The following HPSE2 variants were observed in gnomAD, a reference collection of about 807,000 sequenced individuals.
The protein encoded by HPSE2 is inactive heparanase-2.
Under a neutral mutation model 60.5 loss-of-function variants are expected in HPSE2, and 38 were observed. That is an observed-to-expected ratio of 0.63 (90% CI 0.48 to 0.82). HPSE2 has a LOEUF of 0.82. HPSE2 is among the 40% of genes least tolerant of loss of function. The pLI is 0.00. For synonymous variants in HPSE2, 295 were observed against 293.2 expected (o/e 1.01, Z -0.06); for missense variants, 713 against 740.4 (o/e 0.96, Z 0.43).
Position 98,878,147 on chromosome 10 carries a change from C to A in HPSE2, c.611-134091G>T, listed in dbSNP as rs922632193. On this transcript the variant is annotated intron_variant, in intron 3 of 11. Coordinates refer to ENST00000370552, the MANE Select transcript of HPSE2 (RefSeq NM_021828.5). ...ACAAGACGTTTCAAATCTTTGACAA[C>A]AGCCAGCACAGTGCTGTGATCACTG... Among the ~76,000 whole-genome samples the A allele has an allele frequency of 1.3e-5, 2 of 151,956 alleles. 1 individual carries two copies. The highest frequency in any genetic ancestry group is 1.3e-4 in the Admixed American group (2 of 15,212).
intron 3 of HPSE2, among the ~76,000 whole-genome samples, chr10:98,879,034 A>G (rs748806593): frequency 2.0e-5 from 3 of 152,030 alleles, no homozygotes; most frequent in African/African-American, 4.8e-5. Context: ...AGATAATTCT[A>G]AAGAAGGAGC....
chr10:98,603,439 G>GTTTTTTTT (rs58750714), intron 9 of HPSE2, among the ~76,000 whole-genome samples: 2 of 144,158 alleles, frequency 1.4e-5, no homozygotes, highest in South Asian at 2.2e-4. Context: ...CTGTTTTTTT[G>GTTTTTTTT]TTTTTTTTTT....
chr10:98,460,506 A>G (rs1940241827), intron 11 of HPSE2, among the ~76,000 whole-genome samples: 1 of 152,138 alleles, frequency 6.6e-6, no homozygotes, highest in Non-Finnish European at 1.5e-5. Flanking sequence ...GTGGCTACTC[A>G]GGAGTTTGAA....
intron 9 of HPSE2, among the ~76,000 whole-genome samples, chr10:98,512,812 A>ACACACACACAC (rs375085018): frequency 8.0e-6 from 1 of 124,546 alleles, no homozygotes; most frequent in African/African-American, 2.9e-5. Flanking sequence ...CCCACCCCCC[A>ACACACACACAC]ACACACACAC....
At chr10:99,080,649 G>C (rs967917824) in intron 3 of HPSE2, among the ~76,000 whole-genome samples, 4 of 152,168 alleles carry the variant, frequency 2.6e-5, no homozygotes, top group African/African-American at 9.7e-5. Context: ...TTTTACAAGT[G>C]CTCTTTGAGA....
chr10:98,761,599 A>G (rs924635576), intron 3 of HPSE2, among the ~76,000 whole-genome samples: 3 of 152,224 alleles, frequency 2.0e-5, no homozygotes, highest in African/African-American at 7.2e-5. Flanking sequence ...GCTTCCAAAT[A>G]TGAAGACATG....
At chr10:99,234,871 G>A (rs1029722440) in intron 1 of HPSE2, among the ~76,000 whole-genome samples, 197 of 152,062 alleles carry the variant, frequency 1.3e-3, no homozygotes, top group Non-Finnish European at 2.4e-3. Flanking sequence ...GGGGAGGGGG[G>A]CATTCCGTCT....
At chr10:98,753,162 C>T (rs758685110) in intron 3 of HPSE2, among the ~76,000 whole-genome samples, 1 of 152,006 alleles carries the variant, frequency 6.6e-6, no homozygotes, top group African/African-American at 2.4e-5. Context: ...AATGATGATA[C>T]ATTGTATTCT....
intron 3 of HPSE2, among the ~76,000 whole-genome samples, chr10:99,020,207 G>C (rs1957231884): frequency 6.6e-6 from 1 of 152,032 alleles, no homozygotes; most frequent in Non-Finnish European, 1.5e-5. Flanking sequence ...ATACCAAATA[G>C]AACCAGACGT....
chr10:98,770,295 A>C (rs1950212284), intron 3 of HPSE2, among the ~76,000 whole-genome samples: 1 of 152,206 alleles, frequency 6.6e-6, no homozygotes, highest in South Asian at 2.1e-4. Flanking sequence ...GGAATGGTGG[A>C]ATCTGATCCC....
chr10:99,040,680 T>C (rs1050380626), intron 3 of HPSE2, among the ~76,000 whole-genome samples: 1 of 151,980 alleles, frequency 6.6e-6, no homozygotes, highest in African/African-American at 2.4e-5. Context: ...CACATCTCTA[T>C]AGTATAGTAA....
intron 4 of HPSE2, among the ~76,000 whole-genome samples, chr10:98,740,271 G>GTA (rs2134315764): frequency 6.6e-6 from 1 of 151,446 alleles, no homozygotes; most frequent in East Asian, 2.0e-4. Flanking sequence ...AACCTCCCAG[G>GTA]CTCAAGTGAC....
At chr10:98,944,343 T>C (rs186826140) in intron 3 of HPSE2, among the ~76,000 whole-genome samples, 1 of 152,240 alleles carries the variant, frequency 6.6e-6, no homozygotes, top group East Asian at 1.9e-4. Flanking sequence ...AATGGGACAC[T>C]GAACAAGCCT....
At chr10:98,839,968 T>C (rs183198201) in intron 3 of HPSE2, among the ~76,000 whole-genome samples, 48 of 152,358 alleles carry the variant, frequency 3.2e-4, no homozygotes, top group Non-Finnish European at 5.4e-4. Flanking sequence ...CATTTATAAA[T>C]ATACATTCTT....
At chr10:98,811,444 A>G (rs1477038977) in intron 3 of HPSE2, among the ~76,000 whole-genome samples, 1 of 152,192 alleles carries the variant, frequency 6.6e-6, no homozygotes, top group Non-Finnish European at 1.5e-5. Context: ...AAATATTTGT[A>G]GAATTAATGA....
the HPSE2 span, among the ~76,000 whole-genome samples, chr10:99,257,375 T>G: frequency 3.9e-5 from 6 of 152,270 alleles, no homozygotes; most frequent in African/African-American, 1.4e-4. Context: ...CACTGAATTC[T>G]TTTTCTCAGC....
chr10:98,577,217 G>A (rs190378117), intron 9 of HPSE2, among the ~76,000 whole-genome samples: 41 of 151,412 alleles, frequency 2.7e-4, no homozygotes, highest in African/African-American at 9.0e-4. Flanking sequence ...TTATTCTATT[G>A]TCTTTATCAA....
At chr10:99,253,518 AG>A in the HPSE2 span, among the ~76,000 whole-genome samples, 1 of 152,176 alleles carries the variant, frequency 6.6e-6, no homozygotes, top group Non-Finnish European at 1.5e-5. Flanking sequence ...AAGAAAACCT[AG>A]GAAACACCAT....
intron 5 of HPSE2, among the ~76,000 whole-genome samples, chr10:98,701,833 AG>A (rs1948418863): frequency 6.6e-6 from 1 of 152,138 alleles, no homozygotes; most frequent in Non-Finnish European, 1.5e-5. Flanking sequence ...GGAAAAAACC[AG>A]TACCAGCCAC....
Sources: gnomAD v4.1 joint callset for allele counts (sites outside exome capture counted in the v4.1 genomes callset) on GRCh38, gnomAD v4.1.1 for gene constraint, MANE v1.5 for transcripts, NCBI Gene and HGNC (gene_info 2026-07-23, HGNC 2026-07-21) for gene names.